Variants in FOXP1 observed in about 807,000 individuals in gnomAD.
FOXP1 encodes the protein forkhead box protein P1.
Under a neutral mutation model 98.2 loss-of-function variants are expected in FOXP1, and 15 were observed. The ratio of observed to expected loss-of-function variants is 0.15; its 90% confidence interval spans 0.10 to 0.24. The LOEUF is 0.24. Among genes scored for constraint, FOXP1 ranks in the 10% least tolerant of loss-of-function variants. The probability of loss-of-function intolerance (pLI) is 1.00; values close to 1 mark genes in which losing one functional copy is unlikely to be tolerated. For missense variants in FOXP1, 633 were observed against 848.5 expected (o/e 0.75, Z 3.15); for synonymous variants, 371 against 314.5 (o/e 1.18, Z -1.90).
chr3:71,012,311 AAT>A (rs2043770665), intron 12 of FOXP1, among the ~76,000 whole-genome samples: 1 of 152,206 alleles, frequency 6.6e-6, no homozygotes, highest in Admixed American at 6.5e-5. Context: ...TCATTATATA[AAT>A]ATGATTAGGC....
At chr3:71,263,898 C>A (rs141445653) in intron 5 of FOXP1, among the ~76,000 whole-genome samples, 25 of 151,842 alleles carry the variant, frequency 1.6e-4, no homozygotes, top group African/African-American at 5.8e-4. Context: ...GCACATGCCA[C>A]GACTCCCAGC....
chr3:71,320,644 C>T lies in FOXP1; in HGVS notation c.-72-20764G>A, dbSNP rs545361155. On this transcript the variant is annotated intron_variant, in intron 4 of 20. Transcript: ENST00000649528. ...TATTATAATGGTCTATTTAATCAAT[C>T]ATTTCTCTTGCTAAGCTCTATCCCA... Among the ~76,000 whole-genome samples, 11 of 152,260 alleles carry T rather than the reference C, an allele frequency of 7.2e-5. No individual in the cohort carries two copies. The South Asian group carries it at 2.3e-3, about 32-fold the overall frequency.
In FOXP1 at chr3:71,130,497, C is replaced by G. The variant is rs1465418388; in HGVS notation, c.181-17860G>C. 1.3e-6 allele frequency: 2 copies of G among 1,598,322 alleles called. No individual in the cohort carries two copies. Among genetic ancestry groups the G allele is most frequent in the Non-Finnish European group, 1.7e-6 (2 of 1,179,724 alleles). On this transcript the variant is annotated intron_variant, in intron 6 of 20. Transcript: ENST00000649528. ...ATGTTTCTTTTTCTCTGGACACTTA[C>G]AGAGAAAATGAAGAGTTTGGCGAAG...
In FOXP1 at chr3:70,985,987, TAAAG is replaced by T. The variant is rs1350915700; in HGVS notation, c.1146+2003_1146+2006del. Among the ~76,000 whole-genome samples, 17 of 152,240 alleles carry T rather than the reference TAAAG, an allele frequency of 1.1e-4. No homozygotes were observed. The East Asian group carries it at 2.1e-3, about 19-fold the overall frequency. ...AAATATTCGTGCCGATTTCTTCTAA[TAAAG>T]AAATACTGTGCTGAGCTACTAAGAG... On this transcript the variant is annotated intron_variant, in intron 14 of 20. Transcript: ENST00000649528.
chr3:71,466,776 C>T (rs985314229), intron 3 of FOXP1, among the ~76,000 whole-genome samples: 3 of 152,178 alleles, frequency 2.0e-5, no homozygotes, highest in African/African-American at 7.2e-5. Flanking sequence ...AGAGCACTGC[C>T]TAGGGCAGGG....
rs139284510 is a variant in FOXP1 at position 71,147,383 on chromosome 3, T to C, written c.181-34746A>G. 1.5e-3 allele frequency among the ~76,000 whole-genome samples: 231 copies of C among 152,266 alleles called. 1 individual carries two copies. Among genetic ancestry groups the C allele is most frequent in the African/African-American group, 5.5e-3 (227 of 41,554 alleles). ...TCTCATATCACCTTTACAACTGCCA[T>C]GGTCTTGCTGCTCCAGCCATCTTCA... On this transcript the variant is annotated intron_variant, in intron 6 of 20. Transcript: ENST00000649528.
chr3:71,559,377 T>C (rs930572103), intron 2 of FOXP1, among the ~76,000 whole-genome samples: 2 of 152,246 alleles, frequency 1.3e-5, no homozygotes, highest in Non-Finnish European at 2.9e-5. Flanking sequence ...TATTCTTCTA[T>C]AAACAGAACC....
At chr3:70,972,515 A>AT (rs756578694) in intron 18 of FOXP1, 40 bp downstream of exon 18, 1 of 1,613,862 alleles carries the variant, frequency 6.2e-7, no homozygotes, top group South Asian at 1.1e-5. Flanking sequence ...TGTTAGCACA[A>AT]TCCAAGCTAG....
intron 16 of FOXP1, among the ~76,000 whole-genome samples, chr3:70,977,285 C>T (rs943571164): frequency 1.3e-5 from 2 of 152,072 alleles, no homozygotes; most frequent in East Asian, 3.9e-4. Flanking sequence ...ATTAGTCATT[C>T]ATAAAGCAGA....
chr3:71,278,990 G>C (rs1490505593), intron 5 of FOXP1, among the ~76,000 whole-genome samples: 1 of 151,584 alleles, frequency 6.6e-6, no homozygotes, highest in Non-Finnish European at 1.5e-5. Flanking sequence ...TCAGGAGTTC[G>C]AGACCAGCCT....
chr3:71,466,413 G>A (rs2088746538), intron 3 of FOXP1, among the ~76,000 whole-genome samples: 1 of 152,220 alleles, frequency 6.6e-6, no homozygotes, highest in African/African-American at 2.4e-5. Flanking sequence ...AAGGAAAGTT[G>A]TCATCATCTA....
chr3:71,131,597 C>T (rs1055144267), intron 6 of FOXP1, among the ~76,000 whole-genome samples: 6 of 152,068 alleles, frequency 3.9e-5, no homozygotes, highest in African/African-American at 1.4e-4. Context: ...TACATAGGCC[C>T]CAATCTTTTC....
chr3:71,186,883 A>C (rs2062680532), intron 6 of FOXP1, among the ~76,000 whole-genome samples: 1 of 152,262 alleles, frequency 6.6e-6, no homozygotes, highest in Admixed American at 6.5e-5. Context: ...AGAGATTGAC[A>C]AACTTTCTGC....
In FOXP1 at chr3:71,313,099, A is replaced by G. The variant is rs572136838; in HGVS notation, c.-72-13219T>C. On this transcript the variant is annotated intron_variant, in intron 4 of 20. Coordinates refer to ENST00000649528, the MANE Select transcript of FOXP1 (RefSeq NM_001349338.3). ...TTTTGAGATGGAGTCTCGCTGTGCC[A>G]CCCACACTGGAGTGCAGTGGCGCAA... 7.3e-3 allele frequency among the ~76,000 whole-genome samples: 871 copies of G among 120,092 alleles called. 21 individuals carry two copies. Among genetic ancestry groups the G allele is most frequent in the Non-Finnish European group, 4.9e-3 (303 of 61,626 alleles). The allele number at this position is 120,092 out of a possible 152,430, so 78.8% of individuals were successfully genotyped here. A position where few individuals can be genotyped will look rare whatever the true frequency, so the allele number is the denominator to read the frequency against.
At position 71,542,791 on chromosome 3, in the gene FOXP1, T is replaced by C. The variant is rs934731176; in HGVS notation, c.-298+38758A>G. 3.9e-5 allele frequency among the ~76,000 whole-genome samples: 6 copies of C among 152,176 alleles called. No individual in the cohort carries two copies. The South Asian group carries it at 8.3e-4, about 21-fold the overall frequency. ...CACTCCTCCCTCCGCAGCCAGCTCATAAAACCCGGCCTGCCTGTCCTATTA... is the reference window on the plus strand; with the variant it reads ...CACTCCTCCCTCCGCAGCCAGCTCACAAAACCCGGCCTGCCTGTCCTATTA... On this transcript the variant is annotated intron_variant, in intron 2 of 20. Coordinates refer to ENST00000649528, the MANE Select transcript of FOXP1 (RefSeq NM_001349338.3).
At chr3:71,290,769 C>T (rs1254788323) in intron 5 of FOXP1, among the ~76,000 whole-genome samples, 2 of 152,140 alleles carry the variant, frequency 1.3e-5, no homozygotes, top group African/African-American at 2.4e-5. Context: ...AGCACAGATA[C>T]AACACTCAAA....
intron 2 of FOXP1, among the ~76,000 whole-genome samples, chr3:71,504,436 C>T (rs1249865014): frequency 1.3e-5 from 2 of 152,128 alleles, no homozygotes; most frequent in Non-Finnish European, 2.9e-5. Flanking sequence ...TGACCCACTG[C>T]CTCAAAGTAA....
intron 12 of FOXP1, among the ~76,000 whole-genome samples, chr3:71,012,861 T>C (rs2043854796): frequency 6.6e-6 from 1 of 152,194 alleles, no homozygotes; most frequent in African/African-American, 2.4e-5. Flanking sequence ...CCCAGATGTA[T>C]ACATGGGCAT....
At chr3:71,572,176 G>T (rs1290626536) in intron 2 of FOXP1, 1 of 152,174 alleles carries the variant, frequency 6.6e-6, no homozygotes, top group East Asian at 1.9e-4. Flanking sequence ...AAATGGCTAG[G>T]CTCCTTCAAA....
Sources: allele counts gnomAD v4.1 joint callset (sites outside exome capture counted in the v4.1 genomes callset), GRCh38; gene constraint gnomAD v4.1.1; transcripts MANE v1.5; gene names NCBI Gene and HGNC (gene_info 2026-07-23, HGNC 2026-07-21).